Variants in A2M observed in about 807,000 individuals in gnomAD.
A2M encodes the protein alpha-2-macroglobulin.
In A2M, 128 loss-of-function variants were observed where a neutral mutation model predicts 183.9. The ratio of observed to expected loss-of-function variants is 0.70; its 90% confidence interval spans 0.60 to 0.81. The LOEUF is 0.81. Among genes scored for constraint, A2M ranks in the 30% least tolerant of loss-of-function variants. The pLI is 0.00. For synonymous variants in A2M, 592 were observed against 670.8 expected, an observed-to-expected ratio of 0.88 and a Z score of 1.81; for missense variants, 1,495 against 1,787.6, an observed-to-expected ratio of 0.84 and a Z score of 2.95.
At chr12:9,073,574 A>G (rs953979938) in intron 29 of A2M, among the ~76,000 whole-genome samples, 2 of 152,230 alleles carry the variant, frequency 1.3e-5, no homozygotes, top group Admixed American at 6.5e-5. Context: ...TTCATATGAT[A>G]AAAGATTAAT....
rs764109684 is a variant in A2M, at chr12:9,074,704, A to G, written c.3612T>C (p.Ala1204=). The G allele has an allele frequency of 3.7e-6, 6 of 1,614,026 alleles. No homozygotes were observed. In the Admixed American group the frequency reaches 8.3e-5, roughly 22 times the overall value. ...GHFYEPQAPS[A]EVEMTSYVLL... ...GCACATAGGATGTCATCTCCACCTC[A>G]GCAGAGGGAGCCTGGGGTTCGTAAA... The change falls in exon 29 of 36, where the codon GCT becomes GCC. Residue 1204 remains alanine (A), a synonymous_variant. Transcript: ENST00000318602.
At position 9,095,947 on chromosome 12, in the gene A2M, G is replaced by A. The variant is rs182605281; in HGVS notation, c.1852-247C>T. 3.9e-3 allele frequency among the ~76,000 whole-genome samples: 589 copies of A among 151,024 alleles called. 1 individual carries two copies. Among genetic ancestry groups the A allele is most frequent in the Non-Finnish European group, 6.4e-3 (432 of 67,760 alleles). On this transcript the variant is annotated intron_variant, in intron 15 of 35. Transcript: ENST00000318602. Reference sequence around the variant, plus strand: ...GCTAATTTTTTGTATTTTTAGTAGAGACGGGGTTTCACCTTGTTAGCCAGG... The same window carrying A: ...GCTAATTTTTTGTATTTTTAGTAGAAACGGGGTTTCACCTTGTTAGCCAGG...
chr12:9,101,415 A>G, intron 12 of A2M, 32 bp downstream of exon 12: 1 of 1,564,390 alleles, frequency 6.4e-7, no homozygotes, highest in South Asian at 1.1e-5. Context: ...TTTTGTCTAC[A>G]GTGAAGTCAA....
intron 5 of A2M, 102 bp downstream of exon 5, chr12:9,110,212 T>C: frequency 8.5e-7 from 1 of 1,172,898 alleles, no homozygotes; most frequent in Non-Finnish European, 1.2e-6. Flanking sequence ...GGCTTCTCCT[T>C]TAATGACAAG....
chr12:9,079,331 C>A lies in A2M; in HGVS notation c.3032G>T (p.Gly1011Val). 6.2e-7 allele frequency: 1 copy of A among 1,613,244 alleles called. No individual in the cohort carries two copies. Among genetic ancestry groups the A allele is most frequent in the South Asian group, 1.1e-5 (1 of 91,038 alleles). The change falls in exon 25 of 36, where the codon GGT (glycine) becomes GTT (valine). Residue 1011 changes from glycine (G) to valine (V), a missense_variant and splice_region_variant. Physicochemically the swap from Gly to Val is moderately radical, Grantham distance 109. Transcript: ENST00000318602. ...KSKAIGYLNT[G>V]YQRQLNYKHY... The stretch of plus-strand genomic sequence containing the variant: ...TTTGTAGTTCAACTGTCTCTGGTAA[C>A]CTGGAAAGGAAGATTAACGAAACAG...
At chr12:9,074,136 GT>G (rs1368513793) in intron 29 of A2M, among the ~76,000 whole-genome samples, 1 of 150,624 alleles carries the variant, frequency 6.6e-6, no homozygotes, top group East Asian at 1.9e-4. Flanking sequence ...AAAATGTGTA[GT>G]TTTGAGAAAA....
chr12:9,109,306 A>T lies in A2M; in HGVS notation c.758+15T>A, dbSNP rs754849815. ...AAATAATCCCCCACAAAAGATTTTT[A>T]AAAAATGAACTCACAGGCCACACAC... is the stretch of plus-strand genomic sequence containing the variant. On this transcript the variant is annotated intron_variant, in intron 7 of 35. Transcript: ENST00000318602. 1.3e-5 allele frequency: 20 copies of T among 1,594,782 alleles called. No individual in the cohort carries two copies. In the East Asian group the frequency reaches 1.6e-4, roughly 12 times the overall value.
chr12:9,077,871 A>G lies in A2M; in HGVS notation c.3120-14T>C. The G allele has an allele frequency of 1.9e-6, 3 of 1,614,058 alleles. No individual in the cohort carries two copies. Among genetic ancestry groups the G allele is most frequent in the Non-Finnish European group, 2.5e-6 (3 of 1,179,950 alleles). Reference sequence around the variant, plus strand: ...AAGGCTGTGAGCCTGACCAGGGAGGAAGCAATCATGATGTTTATGTTGTCA... The same window carrying G: ...AAGGCTGTGAGCCTGACCAGGGAGGGAGCAATCATGATGTTTATGTTGTCA... On this transcript the variant is annotated splice_polypyrimidine_tract_variant and intron_variant, in intron 25 of 35. Coordinates refer to ENST00000318602, the MANE Select transcript of A2M (RefSeq NM_000014.6).
At chr12:9,090,154 T>C (rs542271006) in intron 20 of A2M, 131 bp from the exon 21 acceptor site, 31 of 1,397,872 alleles carry the variant, frequency 2.2e-5, no homozygotes, top group Non-Finnish European at 2.7e-5. Context: ...AACGGAAACA[T>C]GCAAATGAGA....
intron 22 of A2M, among the ~76,000 whole-genome samples, chr12:9,083,207 A>G (rs1592347567): frequency 1.3e-5 from 2 of 152,050 alleles, no homozygotes; most frequent in Admixed American, 6.6e-5. Context: ...ACTTGGACAC[A>G]GGAAGGGGAA....
At chr12:9,087,319 A>G (rs226414) in intron 22 of A2M, among the ~76,000 whole-genome samples, 3,333 of 152,312 alleles carry the variant, frequency 0.022, 129 homozygotes, top group African/African-American at 0.076. Context: ...ATAGAATTCC[A>G]TTCCATTTTA....
At chr12:9,070,124 T>A (rs1194548033) in intron 32 of A2M, among the ~76,000 whole-genome samples, 1 of 152,248 alleles carries the variant, frequency 6.6e-6, no homozygotes, top group African/African-American at 2.4e-5. Flanking sequence ...TTTTCCTGTT[T>A]TGCTTGCTCT....
chr12:9,080,366 A>G, intron 22 of A2M, 189 bp from the exon 23 acceptor site: 1 of 396,856 alleles, frequency 2.5e-6, no homozygotes, highest in Non-Finnish European at 4.5e-6. Context: ...GATTTTCAGA[A>G]TTTCTTCTTC....
chr12:9,075,182 G>C (rs746699372), intron 28 of A2M, among the ~76,000 whole-genome samples: 8 of 152,148 alleles, frequency 5.3e-5, no homozygotes, highest in African/African-American at 1.4e-4. Context: ...ACATGAAATA[G>C]TAGAGTTTCT....
intron 8 of A2M, 134 bp downstream of exon 8, chr12:9,107,390 T>C: frequency 8.1e-6 from 9 of 1,114,196 alleles, no homozygotes; most frequent in Middle Eastern, 2.9e-4. Context: ...ATGATTTTTT[T>C]TGAAAAATTA....
chr12:9,094,493 C>A (rs981937679), intron 17 of A2M, among the ~76,000 whole-genome samples: 1 of 150,826 alleles, frequency 6.6e-6, no homozygotes, highest in African/African-American at 2.5e-5. Flanking sequence ...AACTGATTCT[C>A]CTTAAATGCT....
At position 9,112,472 on chromosome 12, in the gene A2M, T is replaced by C. The variant is rs1938810038; in HGVS notation, c.335A>G (p.Gln112Arg). ...FLTVQVKGPT[Q>R]EFKKRTTVMV... ...CACTGTGGTCCGCTTCTTAAATTCT[T>C]GGGTTGGTCCTTTCACTTGGACAGT... is the stretch of plus-strand genomic sequence containing the variant. Residue 112 changes from glutamine to arginine, a missense_variant, in exon 3 of 36, where the codon CAA (glutamine) becomes CGA (arginine). Physicochemically the swap from Gln to Arg is conservative, Grantham distance 43 (BLOSUM62 1). Transcript: ENST00000318602. The C allele has an allele frequency of 1.2e-6, 2 of 1,613,928 alleles. No homozygotes were observed. Among genetic ancestry groups the C allele is most frequent in the Non-Finnish European group, 1.7e-6 (2 of 1,179,846 alleles).
intron 1 of A2M, 182 bp downstream of exon 1, chr12:9,115,582 T>C (rs1041445372): frequency 2.5e-5 from 14 of 554,102 alleles, no homozygotes; most frequent in Admixed American, 1.9e-4. Context: ...CTTCAGAGAG[T>C]TGGGGAAGAA....
chr12:9,109,949 C>T lies in A2M; in HGVS notation c.591G>A (p.Glu197=). 1 of 1,614,036 alleles carries T rather than the reference C, an allele frequency of 6.2e-7. No individual in the cohort carries two copies. The highest frequency in any genetic ancestry group is 8.5e-7 in the Non-Finnish European group (1 of 1,179,922). ...LKQFSFPLSS[E]PFQGSYKVVV... ...CCACCTTGTAGGAGCCCTGGAAGGG[C>T]TCTGATGAGAGGGGAAAAGAAAATT... Residue 197 remains glutamate (E), a synonymous_variant, in exon 6 of 36, where the codon GAG becomes GAA. Transcript: ENST00000318602.
Sources: gnomAD v4.1 joint callset for allele counts (sites outside exome capture counted in the v4.1 genomes callset) on GRCh38, gnomAD v4.1.1 for gene constraint, MANE v1.5 for transcripts, NCBI Gene and HGNC (gene_info 2026-07-23, HGNC 2026-07-21) for gene names.